Variants in CAMK1D observed in about 807,000 individuals in gnomAD.
The protein encoded by CAMK1D is calcium/calmodulin dependent protein kinase ID.
In CAMK1D, 9 loss-of-function variants were observed where a neutral mutation model predicts 47.7. The ratio of observed to expected loss-of-function variants is 0.19; its 90% confidence interval spans 0.11 to 0.33. The LOEUF (loss-of-function observed/expected upper bound fraction) is 0.33, where lower values mean the gene tolerates loss of function less well. Among genes scored for constraint, CAMK1D ranks in the 10% least tolerant of loss-of-function variants. The pLI is 1.00. For synonymous variants in CAMK1D, 184 were observed against 184.9 expected (o/e 0.99, Z 0.04); for missense variants, 291 against 488.7 (o/e 0.60, Z 3.81).
At chr10:12,364,017 G>C (rs532576286) in intron 1 of CAMK1D, among the ~76,000 whole-genome samples, 1 of 152,040 alleles carries the variant, frequency 6.6e-6, no homozygotes, top group South Asian at 2.1e-4. Flanking sequence ...ATTTTTTCAG[G>C]AACCGCCATA....
intron 1 of CAMK1D, among the ~76,000 whole-genome samples, chr10:12,538,575 C>T (rs901436932): frequency 2.0e-5 from 3 of 152,082 alleles, no homozygotes; most frequent in African/African-American, 4.8e-5. Flanking sequence ...ATTTCCAGAA[C>T]GTATTGCTGA....
rs964822477 is a variant in CAMK1D, at chr10:12,689,966, C to T, written c.299+23156C>T. Among the ~76,000 whole-genome samples the T allele has an allele frequency of 2.6e-4, 39 of 152,120 alleles. 1 individual carries two copies. The highest frequency in any genetic ancestry group is 1.6e-3 in the Admixed American group (25 of 15,268). On this transcript the variant is annotated intron_variant, in intron 3 of 10. Coordinates refer to ENST00000619168, the MANE Select transcript of CAMK1D (RefSeq NM_153498.4). ...ACAAAGTAAACAAGACATTAACATA[C>T]GGAGGGCTGTCATGTACAGAGATTG...
chr10:12,407,093 C>G (rs1283941088), intron 1 of CAMK1D, among the ~76,000 whole-genome samples: 1 of 152,338 alleles, frequency 6.6e-6, no homozygotes, highest in East Asian at 1.9e-4. Context: ...CTATCACCCT[C>G]CTTATACTGT....
intron 2 of CAMK1D, among the ~76,000 whole-genome samples, chr10:12,575,466 T>C (rs2132325434): frequency 6.6e-6 from 1 of 152,316 alleles, no homozygotes; most frequent in East Asian, 1.9e-4. Context: ...AATGTCCATC[T>C]CTGGAATCCC....
At chr10:12,651,077 G>A (rs1203286504) in intron 2 of CAMK1D, among the ~76,000 whole-genome samples, 1 of 152,100 alleles carries the variant, frequency 6.6e-6, no homozygotes, top group African/African-American at 2.4e-5. Flanking sequence ...ACGGCACTTT[G>A]CTCCCACCTC....
chr10:12,622,197 C>T (rs1457063130), intron 2 of CAMK1D, among the ~76,000 whole-genome samples: 1 of 152,118 alleles, frequency 6.6e-6, no homozygotes, highest in Non-Finnish European at 1.5e-5. Flanking sequence ...ACACCTAGGC[C>T]CCTGCTTGGC....
intron 3 of CAMK1D, among the ~76,000 whole-genome samples, chr10:12,732,245 A>AAAAT (rs1834920662): frequency 6.6e-6 from 1 of 152,178 alleles, no homozygotes; most frequent in African/African-American, 2.4e-5. Flanking sequence ...TGTCTAAAAC[A>AAAAT]AAATAAATAA....
intron 5 of CAMK1D, among the ~76,000 whole-genome samples, chr10:12,780,029 A>C (rs1837423649): frequency 6.6e-6 from 1 of 152,116 alleles, no homozygotes; most frequent in Admixed American, 6.5e-5. Flanking sequence ...CTCGGCCTTA[A>C]CTTGCCTAAA....
At chr10:12,786,547 A>ATTTG (rs996615879) in intron 5 of CAMK1D, among the ~76,000 whole-genome samples, 3 of 152,032 alleles carry the variant, frequency 2.0e-5, no homozygotes, top group Admixed American at 6.6e-5. Context: ...GTATTTTTTT[A>ATTTG]TTTGTTTGTT....
At chr10:12,610,917 G>T (rs530908862) in intron 2 of CAMK1D, among the ~76,000 whole-genome samples, 33 of 152,262 alleles carry the variant, frequency 2.2e-4, no homozygotes, top group South Asian at 1.7e-3. Flanking sequence ...AACAGGATTG[G>T]AGACCCGATA....
intron 1 of CAMK1D, among the ~76,000 whole-genome samples, chr10:12,527,859 G>A (rs1201850652): frequency 2.6e-5 from 4 of 152,196 alleles, no homozygotes; most frequent in Non-Finnish European, 4.4e-5. Context: ...ATTAGTGGGC[G>A]GCATGGGTTA....
In CAMK1D at chr10:12,748,116, G is replaced by A. The variant is rs148219785; in HGVS notation, c.300-12832G>A. On this transcript the variant is annotated intron_variant, in intron 3 of 10. Transcript: ENST00000619168. ...TGCTAAGAAGCCATTCCAGAATCTG[G>A]TCTGGCCAGAACAATGCAATTTTAT... Among the ~76,000 whole-genome samples, 346 of 152,286 alleles carry A rather than the reference G, an allele frequency of 2.3e-3. 2 individuals are homozygous for A. Among genetic ancestry groups the A allele is most frequent in the African/African-American group, 7.6e-3 (314 of 41,556 alleles).
intron 2 of CAMK1D, among the ~76,000 whole-genome samples, chr10:12,554,157 T>C (rs1223590286): frequency 1.4e-5 from 2 of 144,312 alleles, no homozygotes; most frequent in Admixed American, 7.1e-5. Flanking sequence ...TCCCCTCCCC[T>C]CTCCTCTCCT....
At chr10:12,439,057 C>T (rs553478292) in intron 1 of CAMK1D, among the ~76,000 whole-genome samples, 2 of 152,286 alleles carry the variant, frequency 1.3e-5, no homozygotes, top group South Asian at 2.1e-4. Flanking sequence ...TTGCCCGTCA[C>T]GTGTGGGAGA....
intron 2 of CAMK1D, among the ~76,000 whole-genome samples, chr10:12,559,025 C>T (rs10795962): frequency 0.47 from 71,321 of 151,706 alleles, 18,019 homozygotes; most frequent in Non-Finnish European, 0.58. Context: ...ACTGATTAGC[C>T]GGGCACGGTG....
chr10:12,354,520 G>C (rs1007076639), intron 1 of CAMK1D, among the ~76,000 whole-genome samples: 2 of 151,502 alleles, frequency 1.3e-5, no homozygotes, highest in Admixed American at 1.3e-4. Flanking sequence ...CCGCCTCCCA[G>C]GTTCAAGCGA....
At chr10:12,732,670 GC>G (rs367919756) in intron 3 of CAMK1D, among the ~76,000 whole-genome samples, 64 of 71,782 alleles carry the variant, frequency 8.9e-4, no homozygotes, top group African/African-American at 2.1e-3. Flanking sequence ...AATTACCCCC[GC>G]CCCCCCCGCC....
At chr10:12,448,803 A>G (rs1832996599) in intron 1 of CAMK1D, among the ~76,000 whole-genome samples, 1 of 152,200 alleles carries the variant, frequency 6.6e-6, no homozygotes, top group South Asian at 2.1e-4. Context: ...AAAACATGAA[A>G]TGTGACTATC....
intron 2 of CAMK1D, among the ~76,000 whole-genome samples, chr10:12,629,779 A>G (rs183672923): frequency 3.3e-5 from 5 of 152,332 alleles, no homozygotes; most frequent in Admixed American, 2.6e-4. Context: ...AGCATCCTCA[A>G]AAGCAAGGGG....
Sources: gnomAD v4.1 joint callset for allele counts (sites outside exome capture counted in the v4.1 genomes callset) on GRCh38, gnomAD v4.1.1 for gene constraint, MANE v1.5 for transcripts, NCBI Gene and HGNC (gene_info 2026-07-23, HGNC 2026-07-21) for gene names.